Variants in FAM81A observed in about 807,000 individuals in gnomAD.
FAM81A encodes family with sequence similarity 81 member A.
Under a neutral mutation model 46.7 loss-of-function variants are expected in FAM81A, and 19 were observed. The observed-to-expected ratio is 0.41, with a 90% CI of 0.28 to 0.60. The LOEUF (loss-of-function observed/expected upper bound fraction) is 0.60. Ranked by LOEUF, FAM81A falls within the 20% of genes least tolerant of loss-of-function variation. FAM81A has a pLI of 0.34. For synonymous variants in FAM81A, 183 were observed against 152.9 expected (o/e 1.20, Z -1.45); for missense variants, 377 against 453.5 (o/e 0.83, Z 1.53).
intron 1 of FAM81A, among the ~76,000 whole-genome samples, chr15:59,439,263 C>G (rs1567043500): frequency 6.6e-6 from 1 of 152,118 alleles, no homozygotes; most frequent in Non-Finnish European, 1.5e-5. Context: ...GAAGCAAGGG[C>G]AAACATTTGC....
intron 1 of FAM81A, 140 bp from the exon 2 acceptor site, chr15:59,458,410 T>G: frequency 1.7e-6 from 1 of 605,844 alleles, no homozygotes; most frequent in Non-Finnish European, 2.8e-6. Flanking sequence ...ATTTCATGTA[T>G]AAGATACAAA....
intron 3 of FAM81A, among the ~76,000 whole-genome samples, chr15:59,485,013 C>T (rs573379231): frequency 2.0e-5 from 3 of 152,184 alleles, no homozygotes; most frequent in African/African-American, 4.8e-5. Flanking sequence ...ATGTGGTAGA[C>T]GTAGGGAGAC....
At chr15:59,449,660 T>A (rs1285434888) in intron 1 of FAM81A, among the ~76,000 whole-genome samples, 3 of 151,692 alleles carry the variant, frequency 2.0e-5, no homozygotes, top group African/African-American at 7.3e-5. Context: ...CGGGCGCCTG[T>A]AGTCCCAGCT....
At position 59,495,199 on chromosome 15, in the gene FAM81A, C is replaced by T. The variant is rs550633981; in HGVS notation, c.413+2810C>T. 3.9e-5 allele frequency among the ~76,000 whole-genome samples: 6 copies of T among 152,250 alleles called. No individual in the cohort carries two copies. In the South Asian group the frequency reaches 8.3e-4, roughly 21 times the overall value. ...TTAGCTGTCACTCCCCATTTTTCCC[C>T]AGCCTCCCCAGTTCCCCAGTCCATG... On this transcript the variant is annotated intron_variant, in intron 4 of 8. Transcript: ENST00000288228.
chr15:59,506,252 A>G (rs1394991038), intron 4 of FAM81A, among the ~76,000 whole-genome samples: 3 of 152,036 alleles, frequency 2.0e-5, no homozygotes, highest in African/African-American at 4.8e-5. Flanking sequence ...GGCTCAAGCA[A>G]TTCTCCTGCC....
rs2082269949 is a variant in FAM81A at position 59,516,628 on chromosome 15, C to T, written c.787-17C>T. On this transcript the variant is annotated splice_polypyrimidine_tract_variant and intron_variant, in intron 7 of 8. Transcript: ENST00000288228. ...CTTTTTGGAGTGATTAAGTGCAGTTCTTATCATGGATCTCAGGGAGCCAGT... is the reference window on the plus strand; with the variant it reads ...CTTTTTGGAGTGATTAAGTGCAGTTTTTATCATGGATCTCAGGGAGCCAGT... 13 of 1,603,660 alleles carry T rather than the reference C, an allele frequency of 8.1e-6. No individual in the cohort carries two copies. Among genetic ancestry groups the T allele is most frequent in the Non-Finnish European group, 1.1e-5 (13 of 1,177,462 alleles).
At chr15:59,414,242 C>T (rs376132648) in intron 2 of FAM81A, among the ~76,000 whole-genome samples, 1 of 152,144 alleles carries the variant, frequency 6.6e-6, no homozygotes, top group Non-Finnish European at 1.5e-5. Flanking sequence ...GTGTGAGCCA[C>T]CACACCTGGC....
intron 2 of FAM81A, 26 bp from the exon 3 acceptor site, chr15:59,459,907 A>G (rs1442601979): frequency 5.2e-6 from 8 of 1,544,398 alleles, no homozygotes; most frequent in South Asian, 1.2e-5. Flanking sequence ...TTCCCAATTA[A>G]CAACCCTCAT....
At chr15:59,421,562 C>A (rs1027933601) in intron 2 of FAM81A, among the ~76,000 whole-genome samples, 10 of 152,160 alleles carry the variant, frequency 6.6e-5, no homozygotes, top group African/African-American at 2.2e-4. Flanking sequence ...TAAATCCTTA[C>A]TTGTAATTGT....
chr15:59,426,991 A>C (rs1372466570), intron 2 of FAM81A, among the ~76,000 whole-genome samples: 1 of 152,228 alleles, frequency 6.6e-6, no homozygotes, highest in Non-Finnish European at 1.5e-5. Flanking sequence ...AAGCTTTCTG[A>C]CAGAACTGTA....
intron 2 of FAM81A, among the ~76,000 whole-genome samples, chr15:59,419,245 C>T (rs1001914293): frequency 1.6e-4 from 25 of 152,158 alleles, no homozygotes; most frequent in Admixed American, 1.6e-3. Flanking sequence ...TCTCATTTAA[C>T]CCTCTCATAA....
rs887352198 is a variant in FAM81A at position 59,461,006 on chromosome 15, T to G, written c.294+800T>G. ...ATTGTCAGATTTGTATGTATGTATTTATTTTAACCGCTTTATTGAGATATA... is the reference window on the plus strand; with the variant it reads ...ATTGTCAGATTTGTATGTATGTATTGATTTTAACCGCTTTATTGAGATATA... On this transcript the variant is annotated intron_variant, in intron 3 of 8. Transcript: ENST00000288228. 2.6e-5 allele frequency among the ~76,000 whole-genome samples: 4 copies of G among 152,252 alleles called. No individual in the cohort carries two copies. In the South Asian group the frequency reaches 8.3e-4, roughly 31 times the overall value.
intron 2 of FAM81A, among the ~76,000 whole-genome samples, chr15:59,419,998 A>T (rs1037216579): frequency 6.6e-6 from 1 of 151,794 alleles, no homozygotes; most frequent in South Asian, 2.1e-4. Flanking sequence ...TCCCCTTCAC[A>T]CTCCCTAGCC....
At chr15:59,477,596 C>T (rs1258561124) in intron 3 of FAM81A, among the ~76,000 whole-genome samples, 2 of 152,162 alleles carry the variant, frequency 1.3e-5, no homozygotes, top group Non-Finnish European at 2.9e-5. Flanking sequence ...CAAACCATTA[C>T]CCTATGTGAT....
At chr15:59,508,773 C>A in intron 5 of FAM81A, 90 bp from the exon 6 acceptor site, 2 of 792,922 alleles carry the variant, frequency 2.5e-6, no homozygotes, top group Non-Finnish European at 4.1e-6. Flanking sequence ...ATCTTAATGC[C>A]ATTGACTACA....
intron 3 of FAM81A, among the ~76,000 whole-genome samples, chr15:59,464,392 A>G (rs1369503960): frequency 6.6e-6 from 1 of 152,240 alleles, no homozygotes; most frequent in Non-Finnish European, 1.5e-5. Context: ...AGGAACCTCC[A>G]TACTTTTCTC....
chr15:59,462,516 G>GA (rs35321950), intron 3 of FAM81A, among the ~76,000 whole-genome samples: 1 of 151,986 alleles, frequency 6.6e-6, no homozygotes, highest in African/African-American at 2.4e-5. Flanking sequence ...TCATTGTGGG[G>GA]AAAAAAGCTA....
In FAM81A at chr15:59,468,210, A is replaced by T. The variant is rs2081639694; in HGVS notation, c.294+8004A>T. ...TCTGCCAGGCTTTGGTATCAGGAAG[A>T]TGCTGGCCTCATAAAGTGAGTTAGG... On this transcript the variant is annotated intron_variant, in intron 3 of 8. Transcript: ENST00000288228. Among the ~76,000 whole-genome samples, 5 of 152,290 alleles carry T rather than the reference A, an allele frequency of 3.3e-5. No individual in the cohort carries two copies. The South Asian group carries it at 1.0e-3, about 32-fold the overall frequency.
chr15:59,484,673 G>C (rs2081895451), intron 3 of FAM81A, among the ~76,000 whole-genome samples: 2 of 152,210 alleles, frequency 1.3e-5, no homozygotes, highest in African/African-American at 4.8e-5. Flanking sequence ...CTGGCTTTAA[G>C]GGTGCCTCTG....
Sources: gnomAD v4.1 joint callset for allele counts (sites outside exome capture counted in the v4.1 genomes callset) on GRCh38, gnomAD v4.1.1 for gene constraint, MANE v1.5 for transcripts, NCBI Gene and HGNC (gene_info 2026-07-23, HGNC 2026-07-21) for gene names.